The following CELF2 variants were observed in gnomAD, a reference collection of about 807,000 sequenced individuals.
The protein encoded by CELF2 is CUG triplet repeat RNA-binding protein 2.
Under a neutral mutation model 62.6 loss-of-function variants are expected in CELF2, and 8 were observed. The ratio of observed to expected loss-of-function variants is 0.13; its 90% confidence interval spans 0.07 to 0.23. The LOEUF is 0.23. Among genes scored for constraint, CELF2 ranks in the 10% least tolerant of loss-of-function variants. CELF2 has a pLI of 1.00. For synonymous variants in CELF2, 258 were observed against 250.0 expected, an observed-to-expected ratio of 1.03 and a Z score of -0.30; for missense variants, 333 against 671.0, an observed-to-expected ratio of 0.50 and a Z score of 5.56.
Position 11,324,992 on chromosome 10 carries a change from C to A in CELF2, c.1295-844C>A, listed in dbSNP as rs186719250. On this transcript the variant is annotated intron_variant, in intron 11 of 12. Coordinates refer to ENST00000633077, the MANE Select transcript of CELF2 (RefSeq NM_001326342.2). The surrounding 1 kb of genome is among the most constrained non-coding windows in gnomAD (Gnocchi z 4.7). ...AGCTCATATTTATGCCCTTTTGTGC[C>A]GCTTTTAACTTTCACATGGTGCTCA... 6.6e-6 allele frequency among the ~76,000 whole-genome samples: 1 copy of A among 152,164 alleles called. No homozygotes were observed. Among genetic ancestry groups the A allele is most frequent in the Non-Finnish European group, 1.5e-5 (1 of 68,032 alleles).
intron 1 of CELF2, among the ~76,000 whole-genome samples, chr10:11,127,798 T>G (rs2058973060): frequency 6.6e-6 from 1 of 152,224 alleles, no homozygotes; most frequent in Non-Finnish European, 1.5e-5. Flanking sequence ...GTCAGATGAG[T>G]AGATTGTAAC....
At chr10:10,789,885 T>C in the CELF2 span, among the ~76,000 whole-genome samples, 111 of 152,252 alleles carry the variant, frequency 7.3e-4, no homozygotes, top group Non-Finnish European at 9.6e-4. Flanking sequence ...TATGATGTTT[T>C]TGATAAACGG....
intron 9 of CELF2, among the ~76,000 whole-genome samples, chr10:11,313,347 TC>T (rs1251132847): frequency 6.6e-6 from 1 of 152,248 alleles, no homozygotes; most frequent in Non-Finnish European, 1.5e-5. Context: ...ACATGCTTCT[TC>T]CAGTAACTGA....
chr10:11,074,022 C>T (rs924735967), intron 1 of CELF2, among the ~76,000 whole-genome samples: 2 of 152,172 alleles, frequency 1.3e-5, no homozygotes, highest in Admixed American at 6.5e-5. Context: ...CCACAGCCCT[C>T]GAGGGTCTGT....
intron 3 of CELF2, among the ~76,000 whole-genome samples, chr10:11,218,135 G>C (rs1476004769): frequency 6.6e-6 from 1 of 152,170 alleles, no homozygotes; most frequent in Non-Finnish European, 1.5e-5. Context: ...AGGAACACCA[G>C]AATACAGTTT....
chr10:11,287,666 T>G (rs1352946597), intron 8 of CELF2, among the ~76,000 whole-genome samples: 1 of 152,222 alleles, frequency 6.6e-6, no homozygotes, highest in Non-Finnish European at 1.5e-5. Flanking sequence ...AAATATGAAA[T>G]TTGAACTCCC....
chr10:10,817,097 G>A (rs1287110510), intron 1 of CELF2, among the ~76,000 whole-genome samples: 1 of 152,060 alleles, frequency 6.6e-6, no homozygotes. Context: ...TGTGCAAAGA[G>A]GACTGATGTT....
chr10:10,633,115 A>T, the CELF2 span, among the ~76,000 whole-genome samples: 1 of 152,182 alleles, frequency 6.6e-6, no homozygotes, highest in East Asian at 1.9e-4. Flanking sequence ...CATCATTATT[A>T]TTCATGATTA....
the CELF2 span, among the ~76,000 whole-genome samples, chr10:10,616,247 T>C: frequency 6.6e-6 from 1 of 152,056 alleles, no homozygotes; most frequent in East Asian, 1.9e-4. Flanking sequence ...AATGATTGAC[T>C]ATATTTTGGA....
intron 1 of CELF2, among the ~76,000 whole-genome samples, chr10:11,106,487 T>C (rs1482063145): frequency 6.6e-6 from 1 of 152,218 alleles, no homozygotes; most frequent in Non-Finnish European, 1.5e-5. Flanking sequence ...TCTGCCCTCC[T>C]CAGCCTCCCA....
chr10:10,939,113 GC>G (rs1260018382), intron 2 of CELF2, among the ~76,000 whole-genome samples: 7 of 145,006 alleles, frequency 4.8e-5, no homozygotes, highest in Non-Finnish European at 1.0e-4. Flanking sequence ...CATCACCTAG[GC>G]TGTAGTGCTT....
At chr10:10,575,211 C>T in the CELF2 span, among the ~76,000 whole-genome samples, 70 of 152,156 alleles carry the variant, frequency 4.6e-4, no homozygotes, top group East Asian at 9.3e-3. Flanking sequence ...GCAACCAAAA[C>T]GTGAATGAAA....
chr10:11,296,569 TA>T lies in CELF2; in HGVS notation c.976+8019del, dbSNP rs1299201450. ...CACAACTTCCCAGAAGCGTATACTG[TA>T]AGTTCCATTTCTTCAGACTTGAAAG... On this transcript the variant is annotated intron_variant, in intron 9 of 12. Transcript: ENST00000633077. This position sits in a 1 kb window ranked among gnomAD's most constrained non-coding sequence, Gnocchi z 5.0. Among the ~76,000 whole-genome samples the T allele has an allele frequency of 1.3e-5, 2 of 152,222 alleles. No individual in the cohort carries two copies. Among genetic ancestry groups the T allele is most frequent in the Admixed American group, 1.3e-4 (2 of 15,284 alleles).
At chr10:10,774,472 C>G in the CELF2 span, among the ~76,000 whole-genome samples, 1 of 152,164 alleles carries the variant, frequency 6.6e-6, no homozygotes, top group Non-Finnish European at 1.5e-5. Context: ...TTAGCACCAT[C>G]GCTTTGGTGC....
chr10:11,310,426 T>C (rs1403687501), intron 9 of CELF2, among the ~76,000 whole-genome samples: 2 of 152,174 alleles, frequency 1.3e-5, no homozygotes, highest in Non-Finnish European at 2.9e-5. Flanking sequence ...TTGCTGCTCT[T>C]ACTGAGATTT....
At position 11,325,440 on chromosome 10, in the gene CELF2, C is replaced by T. The variant is rs552272844; in HGVS notation, c.1295-396C>T. On this transcript the variant is annotated intron_variant, in intron 11 of 12. Coordinates refer to ENST00000633077, the MANE Select transcript of CELF2 (RefSeq NM_001326342.2). Reference sequence around the variant, plus strand: ...TTACAATTTTTTAGAATGCACAGAGCACCCTTTTTTCCTTCTCACAGCCTG... The same window carrying T: ...TTACAATTTTTTAGAATGCACAGAGTACCCTTTTTTCCTTCTCACAGCCTG... 2.0e-5 allele frequency among the ~76,000 whole-genome samples: 3 copies of T among 152,358 alleles called. No individual in the cohort carries two copies. In the South Asian group the frequency reaches 6.2e-4, roughly 32 times the overall value.
rs1245518841 is a variant in CELF2 at position 11,220,722 on chromosome 10, T to C, written c.354+3215T>C. Among the ~76,000 whole-genome samples the C allele has an allele frequency of 1.3e-5, 2 of 152,222 alleles. No individual in the cohort carries two copies. The highest frequency in any genetic ancestry group is 2.9e-5 in the Non-Finnish European group (2 of 68,038). On this transcript the variant is annotated intron_variant, in intron 3 of 12. Coordinates refer to ENST00000633077, the MANE Select transcript of CELF2 (RefSeq NM_001326342.2). The surrounding 1 kb of genome is among the most constrained non-coding windows in gnomAD (Gnocchi z 4.4). ...CAACAGCTCAACACAGAGCAAGGGA[T>C]GAGAGTCTGGGAGTCCTTCCCTTGG...
At chr10:11,162,134 A>G (rs1223911725) in intron 1 of CELF2, among the ~76,000 whole-genome samples, 2 of 152,018 alleles carry the variant, frequency 1.3e-5, no homozygotes, top group Non-Finnish European at 2.9e-5. Flanking sequence ...GGACAGGACC[A>G]CCCATACCAC....
the CELF2 span, among the ~76,000 whole-genome samples, chr10:10,463,751 CTGTT>C: frequency 9.9e-5 from 15 of 152,210 alleles, no homozygotes; most frequent in Middle Eastern, 6.8e-3. Context: ...TACAATTTCT[CTGTT>C]TGTTTGGTTG....
Sources: gnomAD v4.1 joint callset for allele counts (sites outside exome capture counted in the v4.1 genomes callset) on GRCh38, gnomAD v4.1.1 for gene constraint, Gnocchi (gnomAD v3.1) non-coding constraint, MANE v1.5 for transcripts, NCBI Gene and HGNC (gene_info 2026-07-23, HGNC 2026-07-21) for gene names.